STK32B: variants seen among roughly 807,000 people sequenced by gnomAD.
STK32B encodes the protein serine/threonine kinase 32B.
A neutral mutation model predicts 52.6 loss-of-function variants in STK32B; 43 were observed. The ratio of observed to expected loss-of-function variants is 0.82; its 90% CI spans 0.64 to 1.05. The LOEUF (loss-of-function observed/expected upper bound fraction) is 1.05, where lower values mean the gene tolerates loss of function less well. Among genes scored for constraint, STK32B ranks in the 50% least tolerant of loss-of-function variants. STK32B has a pLI of 0.00. For synonymous variants in STK32B, 238 were observed against 204.3 expected (o/e 1.17, Z -1.41); for missense variants, 621 against 534.6 (o/e 1.16, Z -1.59).
chr4:5,169,189 T>C (rs907954808), intron 3 of STK32B, among the ~76,000 whole-genome samples: 1 of 152,208 alleles, frequency 6.6e-6, no homozygotes, highest in African/African-American at 2.4e-5. Flanking sequence ...GTGTTTGACC[T>C]AATGCCATCT....
At chr4:5,383,645 G>A (rs1462688325) in intron 4 of STK32B, among the ~76,000 whole-genome samples, 1 of 152,140 alleles carries the variant, frequency 6.6e-6, no homozygotes, top group Non-Finnish European at 1.5e-5. Context: ...ACCAGCCTGG[G>A]GTGCTGCACT....
chr4:5,320,792 T>C (rs1731436790), intron 3 of STK32B, among the ~76,000 whole-genome samples: 1 of 152,190 alleles, frequency 6.6e-6, no homozygotes, highest in South Asian at 2.1e-4. Flanking sequence ...ATGGATATCC[T>C]ATCTATTTTG....
rs191793857 is a variant in STK32B at position 5,153,400 on chromosome 4, G to C, written c.108+13440G>C. On this transcript the variant is annotated intron_variant, in intron 2 of 11. Transcript: ENST00000282908. ...TAATGGACTTTAGGTTCTTATGTGA[G>C]AATAAGGGGGCAAACAATGTTCAGC... Among the ~76,000 whole-genome samples, 12 of 151,968 alleles carry C rather than the reference G, an allele frequency of 7.9e-5. No individual in the cohort carries two copies. The East Asian group carries it at 1.7e-3, about 22-fold the overall frequency.
intron 9 of STK32B, among the ~76,000 whole-genome samples, chr4:5,465,876 C>G (rs955867064): frequency 2.6e-5 from 4 of 152,128 alleles, no homozygotes; most frequent in Admixed American, 6.5e-5. Context: ...ATGCCTGGCC[C>G]TACTTGGAGT....
At chr4:5,226,057 C>A (rs1042137202) in intron 3 of STK32B, among the ~76,000 whole-genome samples, 6 of 152,162 alleles carry the variant, frequency 3.9e-5, no homozygotes, top group African/African-American at 1.4e-4. Flanking sequence ...AACATTGTTA[C>A]AAAATGTTCT....
At chr4:5,227,489 C>T (rs1723958305) in intron 3 of STK32B, among the ~76,000 whole-genome samples, 1 of 152,150 alleles carries the variant, frequency 6.6e-6, no homozygotes, top group Non-Finnish European at 1.5e-5. Context: ...GAAAAGCTGT[C>T]TAATTCATAT....
intron 3 of STK32B, among the ~76,000 whole-genome samples, chr4:5,182,081 T>G (rs1008290960): frequency 6.6e-6 from 1 of 152,242 alleles, no homozygotes; most frequent in African/African-American, 2.4e-5. Flanking sequence ...TGGAGCAGCT[T>G]CCATCTTCAG....
At chr4:5,375,849 G>A (rs960261721) in intron 4 of STK32B, among the ~76,000 whole-genome samples, 5 of 151,694 alleles carry the variant, frequency 3.3e-5, no homozygotes, top group Non-Finnish European at 7.3e-5. Flanking sequence ...GCAAGAGCCT[G>A]GAGGGCAGGT....
At chr4:5,463,245 G>GT (rs1299058017) in intron 9 of STK32B, among the ~76,000 whole-genome samples, 1 of 152,258 alleles carries the variant, frequency 6.6e-6, no homozygotes, top group Non-Finnish European at 1.5e-5. Context: ...TCTCGATGCA[G>GT]TCCTGCACAT....
intron 1 of STK32B, among the ~76,000 whole-genome samples, chr4:5,073,746 A>G (rs1261378881): frequency 6.6e-6 from 1 of 152,106 alleles, no homozygotes; most frequent in Admixed American, 6.6e-5. Context: ...TTCACCAGAC[A>G]TAGAATTCTC....
intron 3 of STK32B, among the ~76,000 whole-genome samples, chr4:5,244,844 C>T (rs1468266977): frequency 6.6e-6 from 1 of 152,192 alleles, no homozygotes; most frequent in Non-Finnish European, 1.5e-5. Context: ...ACCCAGTAGT[C>T]ATTCAGGAGC....
At chr4:5,131,588 C>T (rs752014879) in intron 1 of STK32B, among the ~76,000 whole-genome samples, 1 of 152,188 alleles carries the variant, frequency 6.6e-6, no homozygotes, top group Non-Finnish European at 1.5e-5. Context: ...CACTTTCTCT[C>T]CTTCCTACAC....
chr4:5,323,866 A>G (rs971753042), intron 3 of STK32B, among the ~76,000 whole-genome samples: 12 of 152,202 alleles, frequency 7.9e-5, no homozygotes, highest in African/African-American at 2.9e-4. Flanking sequence ...GGAAAGTGCT[A>G]TAGGGCATCA....
At chr4:5,104,315 T>G (rs1406372949) in intron 1 of STK32B, among the ~76,000 whole-genome samples, 1 of 152,222 alleles carries the variant, frequency 6.6e-6, no homozygotes, top group Non-Finnish European at 1.5e-5. Context: ...ATCCCTTTGC[T>G]CTTCCATCAT....
intron 5 of STK32B, among the ~76,000 whole-genome samples, chr4:5,415,982 C>T (rs73095717): frequency 0.028 from 4,272 of 152,228 alleles, 176 homozygotes; most frequent in African/African-American, 0.092. Flanking sequence ...AAATGCCACT[C>T]TTAGGTTTGG....
intron 3 of STK32B, among the ~76,000 whole-genome samples, chr4:5,316,272 TATA>T (rs1384929363): frequency 1.3e-5 from 1 of 74,948 alleles, no homozygotes; most frequent in Non-Finnish European, 2.2e-5. Flanking sequence ...ATATAGTATA[TATA>T]ATATATTATA....
intron 4 of STK32B, among the ~76,000 whole-genome samples, chr4:5,358,701 GCACACACA>G (rs59614605): frequency 9.4e-6 from 1 of 106,736 alleles, no homozygotes; most frequent in Non-Finnish European, 2.0e-5. Context: ...TCACACACAT[GCACACACA>G]CACACACACA....
intron 3 of STK32B, among the ~76,000 whole-genome samples, chr4:5,187,911 AG>A (rs1560208296): frequency 6.6e-6 from 1 of 152,166 alleles, no homozygotes; most frequent in African/African-American, 2.4e-5. Flanking sequence ...AGGGAGAGGA[AG>A]GAAGCGTGGT....
In STK32B at chr4:5,421,192, C is replaced by T. The variant is rs376278301; in HGVS notation, c.562+4258C>T. 2.0e-5 allele frequency among the ~76,000 whole-genome samples: 3 copies of T among 152,248 alleles called. No homozygotes were observed. The East Asian group carries it at 5.8e-4, about 30-fold the overall frequency. ...GCAAACTCCACCTCCTGGGTTCATG[C>T]CATTCTCCTGCCTTAGCCTCCCAAG... On this transcript the variant is annotated intron_variant, in intron 6 of 11. Coordinates refer to ENST00000282908, the MANE Select transcript of STK32B (RefSeq NM_018401.3).
Sources: gnomAD v4.1 joint callset for allele counts (sites outside exome capture counted in the v4.1 genomes callset) on GRCh38, gnomAD v4.1.1 for gene constraint, MANE v1.5 for transcripts, NCBI Gene and HGNC (gene_info 2026-07-23, HGNC 2026-07-21) for gene names.